DPP6: variants seen among roughly 807,000 people sequenced by gnomAD.
DPP6 encodes the protein A-type potassium channel modulatory protein DPP6.
Under a neutral mutation model 122.6 loss-of-function variants are expected in DPP6, and 69 were observed. The observed-to-expected ratio is 0.56, with a 90% CI of 0.46 to 0.69. DPP6 has a LOEUF of 0.69. Ranked by LOEUF, DPP6 falls within the 30% of genes least tolerant of loss-of-function variation. The pLI is 0.00. For missense variants in DPP6, 928 were observed against 1,116.9 expected (o/e 0.83, Z 2.41); for synonymous variants, 418 against 433.1 (o/e 0.97, Z 0.43).
chr7:154,794,679 G>A (rs1172417662), intron 11 of DPP6, among the ~76,000 whole-genome samples: 1 of 152,236 alleles, frequency 6.6e-6, no homozygotes, highest in African/African-American at 2.4e-5. Flanking sequence ...TCAGTGTGTA[G>A]TGAGAGAAGG....
Position 154,032,050 on chromosome 7 carries a change from T to C in DPP6, c.51+144316T>C, listed in dbSNP as rs540732112. ...CTATTTTTTTTTTTTTTTTGTATTT[T>C]TAGTAGAGACGGGGTTTCACCGTGT... On this transcript the variant is annotated intron_variant, in intron 1 of 25. Coordinates refer to the DPP6 transcript ENST00000404039. Among the ~76,000 whole-genome samples the C allele has an allele frequency of 8.4e-3, 1,277 of 151,306 alleles. 8 individuals are homozygous for C. Among genetic ancestry groups the C allele is most frequent in the Middle Eastern group, 0.034 (10 of 294 alleles).
intron 1 of DPP6, among the ~76,000 whole-genome samples, chr7:154,359,197 G>A (rs1284572221): frequency 6.6e-6 from 1 of 152,210 alleles, no homozygotes; most frequent in Non-Finnish European, 1.5e-5. Context: ...CAAGCCCCCT[G>A]CGTGCTGGGT....
chr7:153,759,081 T>C, the DPP6 span, among the ~76,000 whole-genome samples: 1 of 151,780 alleles, frequency 6.6e-6, no homozygotes, highest in Admixed American at 6.6e-5. Flanking sequence ...AATAAGTGTT[T>C]AGTGGCATAT....
chr7:154,739,704 T>C (rs948119626), intron 8 of DPP6, among the ~76,000 whole-genome samples: 1 of 152,234 alleles, frequency 6.6e-6, no homozygotes, highest in Non-Finnish European at 1.5e-5. Context: ...AGGTTCGTAA[T>C]TGTCACATGC....
intron 1 of DPP6, among the ~76,000 whole-genome samples, chr7:153,973,921 T>G (rs1014111916): frequency 6.6e-5 from 10 of 151,334 alleles, no homozygotes; most frequent in Admixed American, 2.0e-4. Context: ...AGGGAAAGGC[T>G]GGTGTAGCTT....
the DPP6 span, among the ~76,000 whole-genome samples, chr7:153,878,264 TAATA>T: frequency 6.6e-6 from 1 of 152,274 alleles, no homozygotes; most frequent in East Asian, 1.9e-4. Context: ...ATATACCTTC[TAATA>T]AATCTATCAA....
chr7:154,813,611 T>TAAGCCAAACTCAGTGGAACATTGTGG (rs1402171297), intron 16 of DPP6, among the ~76,000 whole-genome samples: 2 of 152,222 alleles, frequency 1.3e-5, no homozygotes, highest in East Asian at 3.9e-4. Flanking sequence ...GGATCAGCTG[T>TAAGCCAAACTCAGTGGAACATTGTGG]AAGCCAAACT....
chr7:154,425,623 T>TGG lies in DPP6; in HGVS notation c.244-20590_244-20589insGG, dbSNP rs1554545599. On this transcript the variant is annotated intron_variant, in intron 1 of 25. Coordinates refer to ENST00000377770, the MANE Select transcript of DPP6 (RefSeq NM_130797.4). ...AAAAAAATGTGTGTGTGTGTGTGGG[T>TGG]GTGTGTGTGTGTGTGTGTGTGTGTG... is the stretch of plus-strand genomic sequence containing the variant. Among the ~76,000 whole-genome samples, 59 of 116,570 alleles carry TGG rather than the reference T, an allele frequency of 5.1e-4. 1 individual carries two copies. The East Asian group carries it at 6.6e-3, about 13-fold the overall frequency. The allele number at this position is 116,570 out of a possible 152,430, so 76.5% of individuals were successfully genotyped here.
Position 154,396,839 on chromosome 7 carries a change from G to A in DPP6, c.244-49375G>A, listed in dbSNP as rs567722369. Among the ~76,000 whole-genome samples, 4 of 152,352 alleles carry A rather than the reference G, an allele frequency of 2.6e-5. No individual in the cohort carries two copies. In the South Asian group the frequency reaches 8.3e-4, roughly 32 times the overall value. ...ATGCACCTATAATGCCAGCTACTCA[G>A]GAGGCCAAGGTAGGAGAATCACTTG... On this transcript the variant is annotated intron_variant, in intron 1 of 25. Transcript: ENST00000377770.
chr7:154,795,651 G>T (rs576190406), intron 11 of DPP6, among the ~76,000 whole-genome samples, 194 bp from the exon 12 acceptor site: 1 of 152,102 alleles, frequency 6.6e-6, no homozygotes, highest in Admixed American at 6.6e-5. Context: ...TCCGAGCCAC[G>T]CACGAGACAA....
the DPP6 span, among the ~76,000 whole-genome samples, chr7:153,783,636 C>G: frequency 6.6e-6 from 1 of 152,066 alleles, no homozygotes; most frequent in South Asian, 2.1e-4. Context: ...AAATGTTTGT[C>G]ACCTTTTACT....
intron 1 of DPP6, among the ~76,000 whole-genome samples, chr7:154,114,235 C>T (rs1806815536): frequency 6.6e-6 from 1 of 151,902 alleles, no homozygotes; most frequent in South Asian, 2.1e-4. Context: ...CAGACAATTT[C>T]CAGTTCAATG....
chr7:154,193,647 T>C (rs1239118073), intron 1 of DPP6, among the ~76,000 whole-genome samples: 2 of 151,992 alleles, frequency 1.3e-5, no homozygotes, highest in African/African-American at 4.8e-5. Flanking sequence ...CATGGGGGCT[T>C]AGAGTGCTCC....
intron 2 of DPP6, among the ~76,000 whole-genome samples, chr7:154,459,820 A>AAAG (rs1554556232): frequency 4.0e-5 from 6 of 148,884 alleles, no homozygotes; most frequent in East Asian, 3.9e-4. Context: ...AAAAAAAAAA[A>AAAG]AAAAGAAAAG....
chr7:154,365,523 A>G (rs774919503), intron 1 of DPP6, among the ~76,000 whole-genome samples: 3 of 152,156 alleles, frequency 2.0e-5, no homozygotes, highest in Non-Finnish European at 4.4e-5. Flanking sequence ...ACGTGTAACT[A>G]TGAGGTTCAG....
rs569562801 is a variant in DPP6, at chr7:153,981,968, C to A, written c.51+94234C>A. Among the ~76,000 whole-genome samples, 5 of 152,132 alleles carry A rather than the reference C, an allele frequency of 3.3e-5. No homozygotes were observed. The East Asian group carries it at 9.7e-4, about 30-fold the overall frequency. Reference sequence around the variant, plus strand: ...TAACCTGACCTTTCTCTCTGGCTGCCCTTAACATTTTTTCCTTCATTTCAA... The same window carrying A: ...TAACCTGACCTTTCTCTCTGGCTGCACTTAACATTTTTTCCTTCATTTCAA... On this transcript the variant is annotated intron_variant, in intron 1 of 25. Coordinates refer to the DPP6 transcript ENST00000404039.
chr7:154,744,071 G>A (rs1444580232), intron 8 of DPP6, among the ~76,000 whole-genome samples: 1 of 152,156 alleles, frequency 6.6e-6, no homozygotes. Flanking sequence ...TTTGCAGCCA[G>A]TTGTCCACAC....
At chr7:153,837,123 C>A in the DPP6 span, among the ~76,000 whole-genome samples, 1 of 152,180 alleles carries the variant, frequency 6.6e-6, no homozygotes, top group Non-Finnish European at 1.5e-5. Context: ...AGATCATAAT[C>A]ACTTCTAAAC....
chr7:153,757,749 C>T, the DPP6 span, among the ~76,000 whole-genome samples: 3 of 152,148 alleles, frequency 2.0e-5, no homozygotes, highest in Non-Finnish European at 2.9e-5. Flanking sequence ...TTTGAGTCCA[C>T]GAGTTCAAGA....
Sources: allele counts gnomAD v4.1 joint callset (sites outside exome capture counted in the v4.1 genomes callset), GRCh38; gene constraint gnomAD v4.1.1; transcripts MANE v1.5; gene names NCBI Gene and HGNC (gene_info 2026-07-23, HGNC 2026-07-21).